The following LCORL variants were observed in gnomAD, a reference collection of about 807,000 sequenced individuals.
LCORL encodes the protein ligand dependent nuclear receptor corepressor like.
In LCORL, 41 loss-of-function variants were observed where a neutral mutation model predicts 141.8. The ratio of observed to expected loss-of-function variants is 0.29; its 90% CI spans 0.23 to 0.38. LCORL has a LOEUF of 0.38. Ranked by LOEUF, LCORL falls within the 10% of genes least tolerant of loss-of-function variation. The pLI is 1.00. For missense variants in LCORL, 1,759 were observed against 2,035.0 expected (o/e 0.86, Z 2.61); for synonymous variants, 618 against 694.1 (o/e 0.89, Z 1.72).
chr4:17,884,713 A>G lies in LCORL; in HGVS notation c.776+1355T>C. 6.7e-7 allele frequency: 1 copy of G among 1,502,438 alleles called. No individual in the cohort carries two copies. The highest frequency in any genetic ancestry group is 1.3e-5 in the South Asian group (1 of 75,032). 93.1% of individuals were successfully genotyped at this position (1,502,438 alleles called of 1,614,324 possible). ...AGAGCAAACCATCTGCAAACTCAGC[A>G]CTTCTTTCCACATAGTCCTCTCTGT... On this transcript the variant is annotated intron_variant, in intron 6 of 7. Transcript: ENST00000635767. This position sits in a 1 kb window ranked among gnomAD's most constrained non-coding sequence, Gnocchi z 4.4.
intron 1 of LCORL, among the ~76,000 whole-genome samples, chr4:17,995,205 ATT>A (rs10602340): frequency 0.079 from 10,574 of 134,510 alleles, 1,264 homozygotes; most frequent in African/African-American, 0.26. Flanking sequence ...TCTTTTAAGC[ATT>A]TTTTTTTTTT....
chr4:17,845,081 T>TATCA (rs1437047691), exon 8 of LCORL: 1 of 152,396 alleles, frequency 6.6e-6, no homozygotes, highest in African/African-American at 2.4e-5. Flanking sequence ...TATTTTTCTC[T>TATCA]ATCAAGAGGC....
intron 5 of LCORL, among the ~76,000 whole-genome samples, chr4:17,890,053 T>C (rs1323503317): frequency 6.6e-6 from 1 of 152,080 alleles, no homozygotes; most frequent in Non-Finnish European, 1.5e-5. Flanking sequence ...TCTATCTTAT[T>C]ACACTGTAAT....
intron 1 of LCORL, among the ~76,000 whole-genome samples, chr4:17,973,981 T>A (rs1716464307): frequency 6.6e-6 from 1 of 152,034 alleles, no homozygotes; most frequent in South Asian, 2.1e-4. Flanking sequence ...TAAAATCTTC[T>A]GTGAAATGAC....
rs769142181 is a variant in LCORL, at chr4:18,021,698, G to GGCGGCGGCAGCA, written c.42_53dup (p.Ala19_Ala22dup). 68 of 1,530,614 alleles carry GGCGGCGGCAGCA rather than the reference G, an allele frequency of 4.4e-5. No homozygotes were observed. The highest frequency in any genetic ancestry group is 1.5e-4 in the East Asian group (6 of 39,878). The allele number at this position is 1,530,614 out of a possible 1,614,324, so 94.8% of individuals were successfully genotyped here. A position where few individuals can be genotyped will look rare whatever the true frequency, so the allele number is the denominator to read the frequency against. On this transcript the variant is annotated inframe_insertion, in exon 1 of 8. Coordinates refer to ENST00000635767, the Ensembl canonical transcript of LCORL. The surrounding 1 kb of genome is among the most constrained non-coding windows in gnomAD (Gnocchi z 5.5). ...GGCTCCGGCACTGAGCGGCGGCGGC[G>GGCGGCGGCAGCA]GCGGCGGCAGCAGCGGCGGCGGCAG...
intron 1 of LCORL, among the ~76,000 whole-genome samples, chr4:18,018,642 A>C (rs1725011166): frequency 6.6e-6 from 1 of 152,216 alleles, no homozygotes; most frequent in Non-Finnish European, 1.5e-5. Context: ...TTAGAATATT[A>C]TATGAGTTAT....
rs776419904 is a variant in LCORL, at chr4:17,886,084, CAGA to C, written c.757_759del (p.Ser253del). The C allele has an allele frequency of 4.9e-4, 774 of 1,583,678 alleles. 3 individuals are homozygous for C. The highest frequency in any genetic ancestry group is 4.7e-4 in the Non-Finnish European group (551 of 1,161,254). On this transcript the variant is annotated inframe_deletion, in exon 6 of 8. Transcript: ENST00000635767. ...ATTGCTTACCCAGCCACTGAATTTT[CAGA>C]AGAAGGATCACATATGGATGACTCT...
chr4:18,001,472 T>C (rs1409506581), intron 1 of LCORL, among the ~76,000 whole-genome samples: 1 of 152,092 alleles, frequency 6.6e-6, no homozygotes, highest in African/African-American at 2.4e-5. Context: ...TATCCTAAGG[T>C]CAATGGAGGA....
intron 5 of LCORL, among the ~76,000 whole-genome samples, chr4:17,898,546 G>A (rs142243442): frequency 2.0e-3 from 308 of 151,230 alleles, no homozygotes; most frequent in Non-Finnish European, 3.6e-3. Flanking sequence ...TATCTTCCCT[G>A]CTTTTCTACA....
chr4:17,871,125 C>A, intron 7 of LCORL, among the ~76,000 whole-genome samples: 2 of 150,392 alleles, frequency 1.3e-5, no homozygotes, highest in South Asian at 2.1e-4. Context: ...TCCAAAAAGG[C>A]AAAAAGAAGT....
intron 1 of LCORL, among the ~76,000 whole-genome samples, chr4:17,999,507 C>G (rs945257337): frequency 3.3e-5 from 5 of 151,890 alleles, no homozygotes; most frequent in Non-Finnish European, 7.4e-5. Flanking sequence ...ATAGGAACTT[C>G]CCAACTCCAT....
chr4:17,983,932 G>A (rs527430665), intron 1 of LCORL, among the ~76,000 whole-genome samples: 2 of 152,156 alleles, frequency 1.3e-5, no homozygotes. Context: ...ATTATTTTGA[G>A]GTGTGTTCCT....
At chr4:17,868,136 G>C (rs1725904184) in intron 7 of LCORL, among the ~76,000 whole-genome samples, 1 of 152,096 alleles carries the variant, frequency 6.6e-6, no homozygotes, top group Non-Finnish European at 1.5e-5. Flanking sequence ...ATGCTCATAA[G>C]CAAGATCAGA....
intron 4 of LCORL, among the ~76,000 whole-genome samples, chr4:17,925,395 C>T (rs1427677125): frequency 6.6e-6 from 1 of 152,078 alleles, no homozygotes; most frequent in African/African-American, 2.4e-5. Flanking sequence ...TGGCCCAGAC[C>T]CTTTGGGAAT....
At chr4:18,001,291 T>C (rs541391437) in intron 1 of LCORL, among the ~76,000 whole-genome samples, 1 of 143,238 alleles carries the variant, frequency 7.0e-6, no homozygotes, top group Admixed American at 6.8e-5. Flanking sequence ...GGCATAAGTA[T>C]TAATAGATAG....
intron 4 of LCORL, among the ~76,000 whole-genome samples, chr4:17,910,936 T>C (rs1382502714): frequency 6.6e-6 from 1 of 152,202 alleles, no homozygotes; most frequent in African/African-American, 2.4e-5. Context: ...CCATTGTTTG[T>C]TTAGAACCTG....
intron 5 of LCORL, 43 bp from the exon 6 acceptor site, chr4:17,886,204 T>C (rs369676871): frequency 2.4e-5 from 22 of 908,842 alleles, no homozygotes; most frequent in African/African-American, 1.8e-4. Context: ...TTGCAACAGA[T>C]AGGCAATCCT....
chr4:17,892,605 T>C (rs557782573), intron 5 of LCORL, among the ~76,000 whole-genome samples: 8 of 150,858 alleles, frequency 5.3e-5, no homozygotes, highest in Non-Finnish European at 1.2e-4. Flanking sequence ...TAATCTACTA[T>C]TTATTCACGA....
At chr4:17,965,054 C>T (rs1288938623) in intron 2 of LCORL, among the ~76,000 whole-genome samples, 2 of 152,036 alleles carry the variant, frequency 1.3e-5, no homozygotes, top group Admixed American at 6.6e-5. Context: ...AATATCAAGG[C>T]ATCCTGAGAT....
Sources: allele counts gnomAD v4.1 joint callset (sites outside exome capture counted in the v4.1 genomes callset), GRCh38; gene constraint gnomAD v4.1.1; non-coding constraint Gnocchi (gnomAD v3.1); transcripts MANE v1.5; gene names NCBI Gene and HGNC (gene_info 2026-07-23, HGNC 2026-07-21).